Variants in GALNT13 observed in about 807,000 individuals in gnomAD.
GALNT13 encodes polypeptide N-acetylgalactosaminyltransferase 13.
A neutral mutation model predicts 64.2 loss-of-function variants in GALNT13; 28 were observed. The ratio of observed to expected loss-of-function variants is 0.44; its 90% CI spans 0.32 to 0.60. The LOEUF (loss-of-function observed/expected upper bound fraction) is 0.60. Ranked by LOEUF, GALNT13 falls within the 20% of genes least tolerant of loss-of-function variation. The probability of loss-of-function intolerance (pLI) is 0.05; values close to 1 mark genes in which losing one functional copy is unlikely to be tolerated. For synonymous variants in GALNT13, 214 were observed against 224.6 expected, an observed-to-expected ratio of 0.95 and a Z score of 0.42; for missense variants, 577 against 669.8, an observed-to-expected ratio of 0.86 and a Z score of 1.53.
the GALNT13 span, among the ~76,000 whole-genome samples, chr2:153,206,127 A>C: frequency 6.6e-6 from 1 of 152,122 alleles, no homozygotes; most frequent in East Asian, 1.9e-4. Flanking sequence ...CAATAGAGCC[A>C]AAAGTACAGA....
chr2:153,696,235 G>A, the GALNT13 span, among the ~76,000 whole-genome samples: 10 of 152,114 alleles, frequency 6.6e-5, no homozygotes, highest in Admixed American at 4.6e-4. Context: ...TGAAGAAACC[G>A]GAGTCTGATG....
At chr2:153,356,854 G>A in the GALNT13 span, among the ~76,000 whole-genome samples, 1 of 146,408 alleles carries the variant, frequency 6.8e-6, no homozygotes, top group African/African-American at 2.6e-5. Flanking sequence ...CTGGAGTGCA[G>A]TGGTGTGATC....
the GALNT13 span, among the ~76,000 whole-genome samples, chr2:153,440,820 T>G: frequency 6.6e-6 from 1 of 152,228 alleles, no homozygotes; most frequent in Admixed American, 6.5e-5. Context: ...TCTTTTGAAT[T>G]TAAGTTTTTT....
intron 4 of GALNT13, among the ~76,000 whole-genome samples, chr2:154,151,059 G>A (rs1394785786): frequency 1.3e-5 from 2 of 152,054 alleles, no homozygotes; most frequent in Non-Finnish European, 2.9e-5. Flanking sequence ...TTTCTCTTAT[G>A]GGCATTTAGT....
At chr2:154,001,467 C>G (rs186193866) in intron 3 of GALNT13, among the ~76,000 whole-genome samples, 379 of 151,714 alleles carry the variant, frequency 2.5e-3, no homozygotes, top group Non-Finnish European at 4.2e-3. Flanking sequence ...ATGAAGCTTA[C>G]AAAAAAATTA....
At chr2:153,859,989 G>T in the GALNT13 span, among the ~76,000 whole-genome samples, 2 of 152,108 alleles carry the variant, frequency 1.3e-5, no homozygotes, top group Non-Finnish European at 2.9e-5. Context: ...TAACAAAAAT[G>T]TCAATCACTA....
chr2:153,594,182 C>T, the GALNT13 span, among the ~76,000 whole-genome samples: 72,638 of 151,884 alleles, frequency 0.48, 18,583 homozygotes, highest in African/African-American at 0.66. Flanking sequence ...ATTTTACTTT[C>T]CTCATGCTCT....
intron 4 of GALNT13, among the ~76,000 whole-genome samples, chr2:154,168,869 A>C (rs757950419): frequency 6.6e-6 from 1 of 151,862 alleles, no homozygotes; most frequent in African/African-American, 2.4e-5. Flanking sequence ...AAAGAGAAAG[A>C]AAAGAGATTT....
chr2:153,681,492 A>G, the GALNT13 span, among the ~76,000 whole-genome samples: 2 of 151,918 alleles, frequency 1.3e-5, no homozygotes, highest in East Asian at 1.9e-4. Flanking sequence ...TAAGTCTACA[A>G]ATATGTTTAT....
the GALNT13 span, among the ~76,000 whole-genome samples, chr2:153,163,843 C>T: frequency 2.3e-4 from 35 of 151,982 alleles, no homozygotes; most frequent in East Asian, 6.0e-3. Flanking sequence ...CACGGTGAAA[C>T]CCCATCTCTA....
At chr2:153,442,233 A>G in the GALNT13 span, among the ~76,000 whole-genome samples, 1 of 152,130 alleles carries the variant, frequency 6.6e-6, no homozygotes, top group Non-Finnish European at 1.5e-5. Flanking sequence ...GGTTCTGTTT[A>G]TGTAATGGAT....
the GALNT13 span, among the ~76,000 whole-genome samples, chr2:153,382,311 A>G: frequency 6.6e-6 from 1 of 151,998 alleles, no homozygotes; most frequent in East Asian, 1.9e-4. Context: ...TAGGTTTTCA[A>G]CCAGTGGCCC....
chr2:153,804,804 A>G, the GALNT13 span, among the ~76,000 whole-genome samples: 2 of 152,152 alleles, frequency 1.3e-5, no homozygotes, highest in African/African-American at 4.8e-5. Flanking sequence ...ATGTCTACAT[A>G]AAATGAAAGC....
chr2:154,207,433 T>G (rs1392398215), intron 4 of GALNT13, among the ~76,000 whole-genome samples: 2 of 152,326 alleles, frequency 1.3e-5, no homozygotes, highest in East Asian at 3.9e-4. Flanking sequence ...GCTTGTTCTG[T>G]AAGGCAGAGA....
At chr2:153,779,675 G>T in the GALNT13 span, among the ~76,000 whole-genome samples, 32 of 152,178 alleles carry the variant, frequency 2.1e-4, no homozygotes, top group Non-Finnish European at 3.8e-4. Context: ...GGAAGGCAAA[G>T]CTGATCTGTG....
chr2:153,292,825 C>T, the GALNT13 span, among the ~76,000 whole-genome samples: 2 of 152,088 alleles, frequency 1.3e-5, no homozygotes, highest in Admixed American at 6.6e-5. Flanking sequence ...CATCAAAAGA[C>T]AACCGGTATA....
the GALNT13 span, among the ~76,000 whole-genome samples, chr2:153,251,923 A>G: frequency 6.6e-6 from 1 of 151,896 alleles, no homozygotes; most frequent in Non-Finnish European, 1.5e-5. Flanking sequence ...TAATGCCGCA[A>G]TAAACATACG....
chr2:154,390,426 G>T (rs1295148563), intron 9 of GALNT13, among the ~76,000 whole-genome samples: 2 of 152,092 alleles, frequency 1.3e-5, no homozygotes, highest in African/African-American at 4.8e-5. Flanking sequence ...TCCCCTCTAT[G>T]TGTCCACATG....
At chr2:153,267,617 C>T in the GALNT13 span, among the ~76,000 whole-genome samples, 1 of 152,312 alleles carries the variant, frequency 6.6e-6, no homozygotes, top group African/African-American at 2.4e-5. Flanking sequence ...AGCAGTGGGG[C>T]CATGCTCCAG....
Sources: gnomAD v4.1 joint callset for allele counts (sites outside exome capture counted in the v4.1 genomes callset) on GRCh38, gnomAD v4.1.1 for gene constraint, MANE v1.5 for transcripts, NCBI Gene and HGNC (gene_info 2026-07-23, HGNC 2026-07-21) for gene names.